LIMS1: variants seen among roughly 807,000 people sequenced by gnomAD.
The protein encoded by LIMS1 is LIM zinc finger domain containing 1.
In LIMS1, 18 loss-of-function variants were observed where a neutral mutation model predicts 44.1. The observed-to-expected ratio is 0.41, with a 90% CI of 0.28 to 0.61. The LOEUF is 0.61. Ranked by LOEUF, LIMS1 falls within the 20% of genes least tolerant of loss-of-function variation. The pLI is 0.32. For synonymous variants in LIMS1, 93 were observed against 149.1 expected (o/e 0.62, Z 2.74); for missense variants, 201 against 422.0 (o/e 0.48, Z 4.59).
At chr2:108,592,593 T>G (rs1686464946) in intron 1 of LIMS1, among the ~76,000 whole-genome samples, 1 of 152,178 alleles carries the variant, frequency 6.6e-6, no homozygotes, top group African/African-American at 2.4e-5. Flanking sequence ...GGTTCAGCTG[T>G]TTATGGTCTT....
chr2:108,626,698 T>A (rs750867572), intron 1 of LIMS1, among the ~76,000 whole-genome samples: 7 of 152,214 alleles, frequency 4.6e-5, no homozygotes, highest in Non-Finnish European at 7.3e-5. Context: ...TAGATTAAAC[T>A]CTTTACACTC....
At position 108,661,685 on chromosome 2, in the gene LIMS1, G is replaced by A. The variant is rs529691974; in HGVS notation, c.192+1921G>A. Among the ~76,000 whole-genome samples the A allele has an allele frequency of 2.0e-5, 3 of 152,286 alleles. No individual in the cohort carries two copies. In the South Asian group the frequency reaches 6.2e-4, roughly 32 times the overall value. On this transcript the variant is annotated intron_variant, in intron 2 of 9. Transcript: ENST00000544547. ...CAAGAAGAGAGGGCGTTTGCTGGTG[G>A]TAGTGGTGGTGAGCCATGACTCAAT... is the stretch of plus-strand genomic sequence containing the variant.
chr2:108,670,032 T>C, intron 2 of LIMS1, among the ~76,000 whole-genome samples: 1 of 152,154 alleles, frequency 6.6e-6, no homozygotes, highest in East Asian at 1.9e-4. Context: ...ATATATATTT[T>C]TTAATTGCAG....
At chr2:108,554,896 G>A (rs1197828189) in intron 1 of LIMS1, among the ~76,000 whole-genome samples, 1 of 152,142 alleles carries the variant, frequency 6.6e-6, no homozygotes, top group Non-Finnish European at 1.5e-5. Flanking sequence ...AGAATCTTGG[G>A]CCCTATCTAT....
intron 1 of LIMS1, among the ~76,000 whole-genome samples, chr2:108,586,091 C>T (rs1426687761): frequency 6.6e-6 from 1 of 152,080 alleles, no homozygotes; most frequent in East Asian, 1.9e-4. Flanking sequence ...ACTCCGGGGG[C>T]TGAGGCAGGA....
intron 1 of LIMS1, among the ~76,000 whole-genome samples, chr2:108,576,930 A>G (rs949793175): frequency 6.6e-6 from 1 of 152,212 alleles, no homozygotes; most frequent in Non-Finnish European, 1.5e-5. Flanking sequence ...ACGTGCCAAC[A>G]GGAGTTTCTG....
chr2:108,605,905 G>C (rs371334952), intron 1 of LIMS1, among the ~76,000 whole-genome samples: 9 of 152,320 alleles, frequency 5.9e-5, no homozygotes, highest in African/African-American at 2.2e-4. Flanking sequence ...GAAAGGACAT[G>C]ACCATCTGAA....
chr2:108,645,218 G>A lies in LIMS1; in HGVS notation c.33-14387G>A, dbSNP rs182784660. On this transcript the variant is annotated intron_variant, in intron 1 of 9. Coordinates refer to ENST00000544547, the Ensembl canonical transcript of LIMS1. ...TTCAGATCACCAAGGTTGAAATGAA[G>A]GAAAAAATGTTAAGGGCAACCAGAG... Among the ~76,000 whole-genome samples, 200 of 152,126 alleles carry A rather than the reference G, an allele frequency of 1.3e-3. No homozygotes were observed. In the Middle Eastern group the frequency reaches 0.027, roughly 21 times the overall value.
At chr2:108,647,043 A>C (rs1690118860) in intron 1 of LIMS1, among the ~76,000 whole-genome samples, 1 of 152,174 alleles carries the variant, frequency 6.6e-6, no homozygotes, top group Non-Finnish European at 1.5e-5. Flanking sequence ...TTTTGAAAAG[A>C]TCAACAAAAT....
At chr2:108,538,031 G>A (rs1358454624) in intron 1 of LIMS1, among the ~76,000 whole-genome samples, 1 of 152,098 alleles carries the variant, frequency 6.6e-6, no homozygotes, top group Non-Finnish European at 1.5e-5. Flanking sequence ...TTAAATAGAA[G>A]GAAAAACATC....
At chr2:108,684,641 G>A (rs1398709194) in exon 10 of LIMS1, 4 of 145,446 alleles carry the variant, frequency 2.8e-5, no homozygotes, top group Admixed American at 7.2e-5. Flanking sequence ...ATTACTTAAC[G>A]CAGTAGTAAT....
intron 1 of LIMS1, among the ~76,000 whole-genome samples, chr2:108,574,614 C>G (rs912347795): frequency 4.6e-5 from 7 of 152,120 alleles, no homozygotes; most frequent in African/African-American, 1.7e-4. Flanking sequence ...AGTAAGTATT[C>G]TAGTCTCATT....
intron 1 of LIMS1, among the ~76,000 whole-genome samples, chr2:108,567,283 C>T (rs986692018): frequency 1.2e-4 from 18 of 152,046 alleles, no homozygotes; most frequent in African/African-American, 3.6e-4. Context: ...ATGTTAAAAT[C>T]GTCGCAGTGT....
At chr2:108,642,168 A>G (rs1689711187) in intron 1 of LIMS1, among the ~76,000 whole-genome samples, 1 of 152,186 alleles carries the variant, frequency 6.6e-6, no homozygotes, top group East Asian at 1.9e-4. Flanking sequence ...TTTGTGGAAT[A>G]GAATGAAGCA....
intron 1 of LIMS1, among the ~76,000 whole-genome samples, 175 bp downstream of exon 1, chr2:108,534,769 G>T (rs1402425172): frequency 6.6e-6 from 1 of 151,674 alleles, no homozygotes; most frequent in Non-Finnish European, 1.5e-5. Flanking sequence ...CTGCGTCCGG[G>T]CCCGCGGAGG....
At chr2:108,686,907 C>T (rs1230621974) in exon 10 of LIMS1, 2 of 152,134 alleles carry the variant, frequency 1.3e-5, no homozygotes, top group African/African-American at 4.8e-5. Flanking sequence ...TCCTACAAGA[C>T]AATTTGAAAT....
At position 108,614,962 on chromosome 2, in the gene LIMS1, G is replaced by A. The variant is rs1687851207; in HGVS notation, c.33-44643G>A. Among the ~76,000 whole-genome samples, 3 of 152,248 alleles carry A rather than the reference G, an allele frequency of 2.0e-5. No individual in the cohort carries two copies. In the South Asian group the frequency reaches 6.2e-4, roughly 32 times the overall value. ...TTCAGAATATCGGAACTGTTAGCTT[G>A]CAAGTAACTGTTACATTTCTCCTCT... is the stretch of plus-strand genomic sequence containing the variant. On this transcript the variant is annotated intron_variant, in intron 1 of 9. Transcript: ENST00000544547.
At chr2:108,587,445 A>C (rs1282201245) in intron 1 of LIMS1, among the ~76,000 whole-genome samples, 5 of 151,212 alleles carry the variant, frequency 3.3e-5, no homozygotes, top group Non-Finnish European at 7.4e-5. Context: ...GTGATCTCCT[A>C]TGTCGGCCTC....
intron 1 of LIMS1, among the ~76,000 whole-genome samples, chr2:108,644,389 C>T (rs1689920394): frequency 6.6e-6 from 1 of 152,138 alleles, no homozygotes; most frequent in African/African-American, 2.4e-5. Flanking sequence ...CTCCAGCAGA[C>T]CTGCAGCAGA....
Sources: allele counts gnomAD v4.1 joint callset (sites outside exome capture counted in the v4.1 genomes callset), GRCh38; gene constraint gnomAD v4.1.1; transcripts MANE v1.5; gene names NCBI Gene and HGNC (gene_info 2026-07-23, HGNC 2026-07-21).